Variants in LRRC41 observed in about 807,000 individuals in gnomAD.
LRRC41 encodes the protein leucine-rich repeat-containing protein 41.
In LRRC41, 17 loss-of-function variants were observed where a neutral mutation model predicts 72.1. The observed-to-expected ratio is 0.24, with a 90% confidence interval of 0.16 to 0.35. The LOEUF is 0.35. Among genes scored for constraint, LRRC41 ranks in the 10% least tolerant of loss-of-function variants. LRRC41 has a pLI of 1.00. For missense variants in LRRC41, 759 were observed against 1,065.0 expected (o/e 0.71, Z 4.00); for synonymous variants, 427 against 431.0 (o/e 0.99, Z 0.11).
chr1:46,286,635 T>C lies in LRRC41; in HGVS notation c.358-136A>G, dbSNP rs963441409. 5.8e-5 allele frequency: 49 copies of C among 842,088 alleles called. No individual in the cohort carries two copies. The Middle Eastern group carries it at 1.6e-3, about 28-fold the overall frequency. The allele number at this position is 842,088 out of a possible 1,614,324, so 52.2% of individuals were successfully genotyped here. The stretch of plus-strand genomic sequence containing the variant: ...ATTTAATCTTCACATCTCTGAGGTA[T>C]GTATTATTATTAGCCCTATTTTACA... On this transcript the variant is annotated intron_variant, in intron 3 of 9. Transcript: ENST00000617190. The surrounding 1 kb of genome is among the most constrained non-coding windows in gnomAD (Gnocchi z 5.5).
At chr1:46,297,343 A>G (rs893571652) in intron 3 of LRRC41, 13 of 459,544 alleles carry the variant, frequency 2.8e-5, no homozygotes, top group Non-Finnish European at 4.8e-5. Flanking sequence ...TGTGATCACT[A>G]ACTTTCCCTG....
rs1217139156 is a variant in LRRC41, at chr1:46,279,625, A to AAATT, written c.2021-15_2021-12dup. 6.2e-7 allele frequency: 1 copy of AAATT among 1,614,130 alleles called. No individual in the cohort carries two copies. Among genetic ancestry groups the AAATT allele is most frequent in the Non-Finnish European group, 8.5e-7 (1 of 1,180,020 alleles). On this transcript the variant is annotated splice_polypyrimidine_tract_variant and intron_variant, in intron 7 of 9. Coordinates refer to ENST00000617190, the MANE Select transcript of LRRC41 (RefSeq NM_006369.5). This position sits in a 1 kb window ranked among gnomAD's most constrained non-coding sequence, Gnocchi z 4.5. Reference sequence around the variant, plus strand: ...AGGAGAAGGTAATCTCTGTCAAGAAAAATTATAGTAAATTCTGATGGCTGC... The same window carrying AAATT: ...AGGAGAAGGTAATCTCTGTCAAGAAAAATTAATTATAGTAAATTCTGATGGCTGC...
rs1409870299 is a variant in LRRC41 at position 46,303,451 on chromosome 1, T to C, written c.-129A>G. 17 of 934,534 alleles carry C rather than the reference T, an allele frequency of 1.8e-5. No homozygotes were observed. The highest frequency in any genetic ancestry group is 2.6e-5 in the Non-Finnish European group (17 of 646,896). 57.9% of individuals were successfully genotyped at this position (934,534 alleles called of 1,614,324 possible). The stretch of plus-strand genomic sequence containing the variant: ...TATTCTAAAGAAATTTCGAAGAAAT[T>C]AGCACACTTTCCAAGTCTCTTAGGA... On this transcript the variant is annotated 5_prime_UTR_variant, in exon 1 of 10. Coordinates refer to ENST00000617190, the MANE Select transcript of LRRC41 (RefSeq NM_006369.5).
rs1660869168 is a variant in LRRC41, at chr1:46,285,662, C to G, written c.1195G>C (p.Gly399Arg). The G allele has an allele frequency of 2.5e-6, 4 of 1,614,142 alleles. No homozygotes were observed. The South Asian group carries it at 3.3e-5, about 13-fold the overall frequency. Reference protein sequence around the residue: ...KRFKRAAGKKGARTRQGPGAE... With the variant: ...KRFKRAAGKKRARTRQGPGAE... ...CCAGGCCCCTGACGGGTGCGAGCAC[C>G]CTTCTTCCCTGCAGCTCGCTTGAAA... The change falls in exon 4 of 10, where the codon GGT becomes CGT. Residue 399 changes from glycine (G) to arginine (R), a missense_variant. By Grantham distance (125) the Gly-to-Arg change is moderately radical (BLOSUM62 -2). Coordinates refer to ENST00000617190, the MANE Select transcript of LRRC41 (RefSeq NM_006369.5). This position sits in a 1 kb window ranked among gnomAD's most constrained non-coding sequence, Gnocchi z 5.3.
intron 4 of LRRC41, among the ~76,000 whole-genome samples, chr1:46,283,905 C>T (rs946177014): frequency 6.6e-6 from 1 of 152,070 alleles, no homozygotes; most frequent in Non-Finnish European, 1.5e-5. Context: ...ACCTCGTGAT[C>T]CACCCACCTT....
In LRRC41 at chr1:46,286,603, C is replaced by T; in HGVS notation, c.358-104G>A. 1 of 1,067,214 alleles carries T rather than the reference C, an allele frequency of 9.4e-7. No homozygotes were observed. Among genetic ancestry groups the T allele is most frequent in the South Asian group, 1.6e-5 (1 of 61,152 alleles). The allele number at this position is 1,067,214 out of a possible 1,614,324, so 66.1% of individuals were successfully genotyped here. ...CTATTTACTGAGTCAGGCAACACTA[C>T]AAATTCATTTAATCTTCACATCTCT... is the stretch of plus-strand genomic sequence containing the variant. On this transcript the variant is annotated intron_variant, in intron 3 of 9. Transcript: ENST00000617190. The surrounding 1 kb of genome is among the most constrained non-coding windows in gnomAD (Gnocchi z 5.5).
rs1660856541 is a variant in LRRC41 at position 46,285,052 on chromosome 1, C to T, written c.1495+310G>A. Reference sequence around the variant, plus strand: ...CAAACTCTAGCCCTGCCTGAGCATGCATATACTATACTGCTCCCACCTGCC... The same window carrying T: ...CAAACTCTAGCCCTGCCTGAGCATGTATATACTATACTGCTCCCACCTGCC... On this transcript the variant is annotated intron_variant, in intron 4 of 9. Transcript: ENST00000617190. This position sits in a 1 kb window ranked among gnomAD's most constrained non-coding sequence, Gnocchi z 5.3. 2.6e-6 allele frequency: 1 copy of T among 382,044 alleles called. No homozygotes were observed. The highest frequency in any genetic ancestry group is 5.0e-6 in the Non-Finnish European group (1 of 201,536). The allele number at this position is 382,044 out of a possible 1,614,324, so 23.7% of individuals were successfully genotyped here.
chr1:46,279,668 C>T lies in LRRC41; in HGVS notation c.2021-54G>A, dbSNP rs1383342067. The stretch of plus-strand genomic sequence containing the variant: ...ATGGCTGCATTAGGACTGGTGCTGC[C>T]CCTCCTGCCCCAGTTGGCCCTAGCA... On this transcript the variant is annotated intron_variant, in intron 7 of 9. Coordinates refer to ENST00000617190, the MANE Select transcript of LRRC41 (RefSeq NM_006369.5). The surrounding 1 kb of genome is among the most constrained non-coding windows in gnomAD (Gnocchi z 4.5). The T allele has an allele frequency of 6.2e-7, 1 of 1,608,950 alleles. No homozygotes were observed. The highest frequency in any genetic ancestry group is 1.3e-5 in the African/African-American group (1 of 74,746).
At position 46,286,513 on chromosome 1, in the gene LRRC41, A is replaced by G. The variant is rs775904206; in HGVS notation, c.358-14T>C. On this transcript the variant is annotated splice_polypyrimidine_tract_variant and intron_variant, in intron 3 of 9. Coordinates refer to ENST00000617190, the MANE Select transcript of LRRC41 (RefSeq NM_006369.5). The surrounding 1 kb of genome is among the most constrained non-coding windows in gnomAD (Gnocchi z 5.5). ...ACATGTCACACTCTGAAACGCAGAAAACATGCCAGACAGCCATGATATATC... is the reference window on the plus strand; with the variant it reads ...ACATGTCACACTCTGAAACGCAGAAGACATGCCAGACAGCCATGATATATC... 1 of 1,575,504 alleles carries G rather than the reference A, an allele frequency of 6.3e-7. No homozygotes were observed. The highest frequency in any genetic ancestry group is 8.6e-7 in the Non-Finnish European group (1 of 1,159,988).
chr1:46,294,539 T>TAGATGTC (rs1661083722), intron 3 of LRRC41, among the ~76,000 whole-genome samples: 1 of 151,632 alleles, frequency 6.6e-6, no homozygotes, highest in Non-Finnish European at 1.5e-5. Flanking sequence ...GCTGGGATTA[T>TAGATGTC]AGATGTCAGT....
In LRRC41 at chr1:46,277,584, T is replaced by A; in HGVS notation, c.*1281A>T. 1.7e-6 allele frequency: 1 copy of A among 573,248 alleles called. No individual in the cohort carries two copies. Among genetic ancestry groups the A allele is most frequent in the Non-Finnish European group, 3.1e-6 (1 of 323,222 alleles). The allele number at this position is 573,248 out of a possible 1,614,324, so 35.5% of individuals were successfully genotyped here. A position where few individuals can be genotyped will look rare whatever the true frequency, so the allele number is the denominator to read the frequency against. ...GGGATTTAGCCAGGCCCTGGGACCC[T>A]TCATTAGTATAGAAAGTAGCCTGGG... On this transcript the variant is annotated 3_prime_UTR_variant, in exon 10 of 10. Transcript: ENST00000617190.
intron 3 of LRRC41, among the ~76,000 whole-genome samples, chr1:46,287,426 C>A (rs1435348492): frequency 4.6e-5 from 7 of 152,114 alleles, no homozygotes; most frequent in East Asian, 1.9e-4. Flanking sequence ...CTGATTCTTA[C>A]CACCACCAGC....
chr1:46,296,365 C>T (rs957815254), intron 3 of LRRC41, among the ~76,000 whole-genome samples: 1 of 152,162 alleles, frequency 6.6e-6, no homozygotes. Context: ...TGCAGTGAGC[C>T]AAGATTGCGC....
At chr1:46,289,470 A>C (rs1237590951) in intron 3 of LRRC41, among the ~76,000 whole-genome samples, 1 of 152,180 alleles carries the variant, frequency 6.6e-6, no homozygotes, top group Non-Finnish European at 1.5e-5. Context: ...ACCACTCTTA[A>C]GAATCTATGG....
chr1:46,296,457 G>A (rs544517017), intron 3 of LRRC41, among the ~76,000 whole-genome samples: 352 of 151,820 alleles, frequency 2.3e-3, no homozygotes, highest in Admixed American at 5.1e-3. Context: ...AAAACTGTTA[G>A]GTCTTTAAGA....
rs1661291970 is a variant in LRRC41, at chr1:46,303,420, G to A, written c.-98C>T. 1.7e-6 allele frequency: 2 copies of A among 1,155,404 alleles called. No homozygotes were observed. Among genetic ancestry groups the A allele is most frequent in the African/African-American group, 3.1e-5 (2 of 63,656 alleles). The allele number at this position is 1,155,404 out of a possible 1,614,324, so 71.6% of individuals were successfully genotyped here. On this transcript the variant is annotated 5_prime_UTR_variant, in exon 1 of 10. Coordinates refer to ENST00000617190, the MANE Select transcript of LRRC41 (RefSeq NM_006369.5). ...CTCCATAAGCGATATGGGGAAGAATGTGAATTATTCTAAAGAAATTTCGAA... is the reference window on the plus strand; with the variant it reads ...CTCCATAAGCGATATGGGGAAGAATATGAATTATTCTAAAGAAATTTCGAA...
rs770937295 is a variant in LRRC41 at position 46,278,318 on chromosome 1, G to GAGAT, written c.*543_*546dup. 78 of 1,575,100 alleles carry GAGAT rather than the reference G, an allele frequency of 5.0e-5. No homozygotes were observed. Among genetic ancestry groups the GAGAT allele is most frequent in the Middle Eastern group, 2.1e-4 (1 of 4,812 alleles). On this transcript the variant is annotated 3_prime_UTR_variant, in exon 10 of 10. Coordinates refer to ENST00000617190, the MANE Select transcript of LRRC41 (RefSeq NM_006369.5). ...GTCTGGGTGTAGCTCTTAGAGGAAG[G>GAGAT]AGATAGGGAAAAGGGGCTCCTTGCT...
At chr1:46,288,100 TG>T (rs781639803) in intron 3 of LRRC41, among the ~76,000 whole-genome samples, 3 of 152,338 alleles carry the variant, frequency 2.0e-5, no homozygotes, top group Non-Finnish European at 4.4e-5. Context: ...CACCCAGACT[TG>T]GTGATTCTAT....
At chr1:46,287,720 A>G (rs1047578141) in intron 3 of LRRC41, among the ~76,000 whole-genome samples, 1 of 152,162 alleles carries the variant, frequency 6.6e-6, no homozygotes, top group Non-Finnish European at 1.5e-5. Context: ...GAACTTAGAA[A>G]CATGTCATTT....
Sources: allele counts gnomAD v4.1 joint callset (sites outside exome capture counted in the v4.1 genomes callset), GRCh38; gene constraint gnomAD v4.1.1; non-coding constraint Gnocchi (gnomAD v3.1); transcripts MANE v1.5; gene names NCBI Gene and HGNC (gene_info 2026-07-23, HGNC 2026-07-21).